The following ENTREP2 variants were observed in gnomAD, a reference collection of about 807,000 sequenced individuals.
ENTREP2 encodes the protein protein ENTREP2.
the ENTREP2 span, chr15:29,123,543 G>A: frequency 2.8e-4 from 434 of 1,551,782 alleles, 5 homozygotes; most frequent in South Asian, 4.9e-3. Flanking sequence ...GCTCTTTGGA[G>A]GTCGCTGGGA....
the ENTREP2 span, among the ~76,000 whole-genome samples, chr15:29,292,393 TG>T: frequency 6.6e-6 from 1 of 152,062 alleles, no homozygotes; most frequent in Non-Finnish European, 1.5e-5. Flanking sequence ...CTTTCTTTCT[TG>T]TTTTTCATGG....
At chr15:29,144,843 A>C in the ENTREP2 span, among the ~76,000 whole-genome samples, 103 of 152,094 alleles carry the variant, frequency 6.8e-4, no homozygotes, top group African/African-American at 2.3e-3. Context: ...AGTCCAAGAC[A>C]AGCCTGCCCA....
the ENTREP2 span, chr15:29,269,073 C>G: frequency 6.2e-7 from 1 of 1,614,142 alleles, no homozygotes; most frequent in South Asian, 1.1e-5. Flanking sequence ...TTAAATGCTT[C>G]TTGGTGGGGT....
At chr15:29,405,634 C>A in the ENTREP2 span, among the ~76,000 whole-genome samples, 1 of 152,204 alleles carries the variant, frequency 6.6e-6, no homozygotes, top group African/African-American at 2.4e-5. Context: ...GGCTACGGCA[C>A]CAGCACCCCA....
chr15:29,234,309 T>C, the ENTREP2 span: 6 of 1,610,440 alleles, frequency 3.7e-6, no homozygotes, highest in African/African-American at 1.3e-5. Context: ...AAAAGATATA[T>C]GTAATCTGAA....
At chr15:29,338,530 G>GA in the ENTREP2 span, among the ~76,000 whole-genome samples, 1 of 151,946 alleles carries the variant, frequency 6.6e-6, no homozygotes, top group African/African-American at 2.4e-5. Context: ...CCTGAACAAA[G>GA]AGCACGGATG....
At chr15:29,203,262 C>T in the ENTREP2 span, among the ~76,000 whole-genome samples, 1 of 152,132 alleles carries the variant, frequency 6.6e-6, no homozygotes, top group Non-Finnish European at 1.5e-5. Flanking sequence ...ATTAGCCAGG[C>T]GTTTTGGCAG....
chr15:29,282,530 C>A, the ENTREP2 span, among the ~76,000 whole-genome samples: 1 of 152,214 alleles, frequency 6.6e-6, no homozygotes, highest in Non-Finnish European at 1.5e-5. Flanking sequence ...TTTTCTCCCA[C>A]TGCACACTGG....
At chr15:29,310,083 A>G in the ENTREP2 span, among the ~76,000 whole-genome samples, 1 of 152,168 alleles carries the variant, frequency 6.6e-6, no homozygotes, top group Non-Finnish European at 1.5e-5. Context: ...GCAGCAATCA[A>G]GACAGGAAGA....
At chr15:29,415,041 A>G in the ENTREP2 span, among the ~76,000 whole-genome samples, 3 of 152,244 alleles carry the variant, frequency 2.0e-5, no homozygotes, top group Non-Finnish European at 4.4e-5. Context: ...GTCCAGGACC[A>G]GATGGATTCA....
At chr15:29,656,387 G>C in the ENTREP2 span, among the ~76,000 whole-genome samples, 2 of 151,934 alleles carry the variant, frequency 1.3e-5, no homozygotes, top group Non-Finnish European at 2.9e-5. Context: ...CACCACAGCC[G>C]GGTAGTTTTT....
chr15:29,571,189 C>T, the ENTREP2 span, among the ~76,000 whole-genome samples: 5 of 151,914 alleles, frequency 3.3e-5, no homozygotes, highest in African/African-American at 1.2e-4. Flanking sequence ...CCAGCCTCCG[C>T]GCTCACGCCT....
the ENTREP2 span, among the ~76,000 whole-genome samples, chr15:29,258,000 A>T: frequency 6.6e-6 from 1 of 152,118 alleles, no homozygotes; most frequent in Non-Finnish European, 1.5e-5. Context: ...TCATGAGGTC[A>T]GGAGATCGAG....
chr15:29,576,298 G>A, the ENTREP2 span, among the ~76,000 whole-genome samples: 1 of 152,136 alleles, frequency 6.6e-6, no homozygotes, highest in African/African-American at 2.4e-5. Flanking sequence ...AAAGAAGTTG[G>A]ACTCCAAGCT....
At chr15:29,123,205 T>C in the ENTREP2 span, 1 of 949,700 alleles carries the variant, frequency 1.1e-6, no homozygotes, top group Non-Finnish European at 1.5e-6. Context: ...CGCCCCCAGA[T>C]CATCCTGGGT....
chr15:29,622,188 T>C, the ENTREP2 span, among the ~76,000 whole-genome samples: 4 of 151,208 alleles, frequency 2.6e-5, no homozygotes, highest in South Asian at 8.4e-4. Flanking sequence ...CTTAAAATGG[T>C]TAAAATAGTT....
chr15:29,162,142 C>A, the ENTREP2 span, among the ~76,000 whole-genome samples: 1 of 152,170 alleles, frequency 6.6e-6, no homozygotes, highest in Non-Finnish European at 1.5e-5. Flanking sequence ...GTAGAGGAAG[C>A]AGCGGGAAAG....
At chr15:29,639,859 CCCAGGTTCAAGCGATTCT>C in the ENTREP2 span, among the ~76,000 whole-genome samples, 7,239 of 151,376 alleles carry the variant, frequency 0.048, 236 homozygotes, top group Non-Finnish European at 0.074. Context: ...ACCTCTACCT[CCCAGGTTCAAGCGATTCT>C]CCTGCCTCAG....
chr15:29,509,202 A>G, the ENTREP2 span, among the ~76,000 whole-genome samples: 3 of 152,182 alleles, frequency 2.0e-5, no homozygotes, highest in Admixed American at 6.5e-5. Context: ...AAGGGATGTG[A>G]AGGACCTCTT....
Sources: allele counts gnomAD v4.1 joint callset (sites outside exome capture counted in the v4.1 genomes callset), GRCh38; gene constraint gnomAD v4.1.1; transcripts MANE v1.5; gene names NCBI Gene and HGNC (gene_info 2026-07-23, HGNC 2026-07-21).